HELZ: variants seen among roughly 807,000 people sequenced by gnomAD.
HELZ encodes the protein helicase with zinc finger.
In HELZ, 23 loss-of-function variants were observed where a neutral mutation model predicts 218.2. The observed-to-expected ratio is 0.11, with a 90% CI of 0.08 to 0.15. HELZ has a LOEUF of 0.15. Ranked by LOEUF, HELZ falls within the 10% of genes least tolerant of loss-of-function variation. The pLI is 1.00. For synonymous variants in HELZ, 814 were observed against 829.4 expected (o/e 0.98, Z 0.32); for missense variants, 1,813 against 2,353.7 (o/e 0.77, Z 4.75).
At chr17:67,193,368 A>C (rs1352254194) in intron 9 of HELZ, among the ~76,000 whole-genome samples, 1 of 151,088 alleles carries the variant, frequency 6.6e-6, no homozygotes, top group Non-Finnish European at 1.5e-5. Flanking sequence ...AAAAAAGAAA[A>C]GAAAAACAAA....
At chr17:67,089,620 C>T (rs886494813) in intron 31 of HELZ, among the ~76,000 whole-genome samples, 1 of 128,732 alleles carries the variant, frequency 7.8e-6, no homozygotes, top group Non-Finnish European at 1.6e-5. Context: ...TTTTTTAATG[C>T]TTTTAAAATT....
At chr17:67,214,873 C>T (rs1187250068) in intron 5 of HELZ, among the ~76,000 whole-genome samples, 6 of 151,974 alleles carry the variant, frequency 3.9e-5, no homozygotes, top group South Asian at 2.1e-4. Context: ...AGACCAGGTG[C>T]GGTGGCTCAT....
chr17:67,178,626 T>G, intron 13 of HELZ, 33 bp downstream of exon 13: 1 of 1,559,106 alleles, frequency 6.4e-7, no homozygotes, highest in South Asian at 1.2e-5. Flanking sequence ...AAGGGGAGAT[T>G]TTTTGTTTTA....
chr17:67,127,336 A>G (rs2037831937), intron 24 of HELZ, among the ~76,000 whole-genome samples: 1 of 152,252 alleles, frequency 6.6e-6, no homozygotes, highest in Non-Finnish European at 1.5e-5. Context: ...TAATACATTA[A>G]TAGTATAAGC....
intron 13 of HELZ, among the ~76,000 whole-genome samples, chr17:67,175,814 A>T (rs1019510020): frequency 1.3e-5 from 2 of 152,222 alleles, no homozygotes; most frequent in African/African-American, 4.8e-5. Context: ...TATCTTGAAG[A>T]TCCTTCAAAA....
intron 2 of HELZ, among the ~76,000 whole-genome samples, chr17:67,240,171 A>G (rs1341306776): frequency 2.0e-5 from 3 of 152,238 alleles, no homozygotes; most frequent in Non-Finnish European, 2.9e-5. Flanking sequence ...AGCTGATGGT[A>G]GTTTATCATT....
intron 23 of HELZ, among the ~76,000 whole-genome samples, chr17:67,135,170 A>G (rs1158153015): frequency 6.6e-6 from 1 of 152,208 alleles, no homozygotes; most frequent in Non-Finnish European, 1.5e-5. Flanking sequence ...TCTAATGAAT[A>G]CTAATAATGC....
At chr17:67,088,289 T>C (rs1021955661) in intron 31 of HELZ, among the ~76,000 whole-genome samples, 3 of 152,332 alleles carry the variant, frequency 2.0e-5, no homozygotes, top group Middle Eastern at 3.4e-3. Context: ...TGGTCAGTTA[T>C]GACTCTCAGA....
intron 17 of HELZ, among the ~76,000 whole-genome samples, chr17:67,158,247 T>TC (rs1278680917): frequency 6.6e-6 from 1 of 152,138 alleles, no homozygotes; most frequent in African/African-American, 2.4e-5. Flanking sequence ...TGAGCCTTGC[T>TC]CCCTAGAGAC....
At chr17:67,210,181 G>A (rs1006321294) in intron 5 of HELZ, among the ~76,000 whole-genome samples, 8 of 152,138 alleles carry the variant, frequency 5.3e-5, no homozygotes, top group Admixed American at 1.3e-4. Context: ...CTATAATCAC[G>A]CCACTCTACT....
chr17:67,182,594 T>C (rs1232761564), intron 12 of HELZ, among the ~76,000 whole-genome samples: 1 of 152,238 alleles, frequency 6.6e-6, no homozygotes, highest in Non-Finnish European at 1.5e-5. Context: ...CTATGGAATG[T>C]GTTACCCTGA....
chr17:67,154,861 T>C (rs2038792864), intron 17 of HELZ, among the ~76,000 whole-genome samples: 1 of 152,148 alleles, frequency 6.6e-6, no homozygotes, highest in African/African-American at 2.4e-5. Context: ...CTGGCTCACA[T>C]AAAAACATCT....
chr17:67,137,712 A>C (rs1346221091), intron 22 of HELZ, among the ~76,000 whole-genome samples: 4 of 152,238 alleles, frequency 2.6e-5, no homozygotes, highest in Non-Finnish European at 5.9e-5. Context: ...TTATGGTCAC[A>C]GAAAAGGTAT....
chr17:67,077,416 C>T lies in HELZ; in HGVS notation c.*836G>A, dbSNP rs1304122789. 6.6e-6 allele frequency: 1 copy of T among 152,024 alleles called. No individual in the cohort carries two copies. Among genetic ancestry groups the T allele is most frequent in the Non-Finnish European group, 1.5e-5 (1 of 67,950 alleles). 9.4% of individuals were successfully genotyped at this position (152,024 alleles called of 1,614,324 possible). A position where few individuals can be genotyped will look rare whatever the true frequency, so the allele number is the denominator to read the frequency against. ...AAAAAAGAATTTTACTAAATTCACG[C>T]ATTTTTAAAATAGTTATCAAGTCTA... On this transcript the variant is annotated 3_prime_UTR_variant, in exon 33 of 33. Coordinates refer to ENST00000358691, the MANE Select transcript of HELZ (RefSeq NM_014877.4).
intron 5 of HELZ, among the ~76,000 whole-genome samples, chr17:67,206,778 T>C (rs976598026): frequency 6.6e-6 from 1 of 151,940 alleles, no homozygotes; most frequent in Non-Finnish European, 1.5e-5. Context: ...TTTGTATTTT[T>C]AGTAGAGACG....
Position 67,108,598 on chromosome 17 carries a change from G to A in HELZ, c.4618C>T (p.Leu1540Phe). 1 of 1,614,096 alleles carries A rather than the reference G, an allele frequency of 6.2e-7. No individual in the cohort carries two copies. The highest frequency in any genetic ancestry group is 8.5e-7 in the Non-Finnish European group (1 of 1,179,982). The stretch of plus-strand genomic sequence containing the variant: ...AGGGGCGGCTGAGGAAGATGCTGGA[G>A]GTGAGGATGGTGATGGTGTGGGTAT... The part of the protein sequence containing the change: ...APYPHHHHPH[L>F]QHLPQPPLGL... Residue 1540 changes from leucine (L) to phenylalanine (F), a missense_variant, in exon 30 of 33, where the codon CTC (leucine) becomes TTC (phenylalanine). Physicochemically the swap from Leu to Phe is conservative, Grantham distance 22. Around this residue, in one of 4 missense-constraint regions of HELZ, gnomAD observed 938 missense variants for 1,027.5 expected, o/e 0.91. Transcript: ENST00000358691. The surrounding 1 kb of genome is among the most constrained non-coding windows in gnomAD (Gnocchi z 4.1).
At chr17:67,094,749 C>T (rs1244877298) in intron 31 of HELZ, among the ~76,000 whole-genome samples, 3 of 151,960 alleles carry the variant, frequency 2.0e-5, no homozygotes, top group Non-Finnish European at 4.4e-5. Flanking sequence ...ATGATCACAC[C>T]CATGAATAGC....
intron 17 of HELZ, among the ~76,000 whole-genome samples, chr17:67,153,482 C>T (rs1025928940): frequency 6.6e-6 from 1 of 152,204 alleles, no homozygotes; most frequent in African/African-American, 2.4e-5. Context: ...TATTCCTCTT[C>T]CCTAGTTAGG....
chr17:67,171,031 T>G (rs1227774211), intron 13 of HELZ, among the ~76,000 whole-genome samples: 1 of 147,508 alleles, frequency 6.8e-6, no homozygotes, highest in East Asian at 1.9e-4. Context: ...GCTAAGATGA[T>G]GTACAGTTTT....
Sources: gnomAD v4.1 joint callset for allele counts (sites outside exome capture counted in the v4.1 genomes callset) on GRCh38, gnomAD v4.1.1 for gene constraint, gnomAD v4.1.1 regional missense constraint, Gnocchi (gnomAD v3.1) non-coding constraint, MANE v1.5 for transcripts, NCBI Gene and HGNC (gene_info 2026-07-23, HGNC 2026-07-21) for gene names.